Variants in ERMP1 observed in about 807,000 individuals in gnomAD.
The protein encoded by ERMP1 is endoplasmic reticulum metallopeptidase 1.
ERMP1 carries 86 observed loss-of-function variants against 92.0 expected under a neutral mutation model. The ratio of observed to expected loss-of-function variants is 0.93; its 90% CI spans 0.79 to 1.12. ERMP1 has a LOEUF of 1.12. Ranked by LOEUF, ERMP1 falls within the 50% of genes most tolerant of loss-of-function variation. ERMP1 has a pLI of 0.00. For missense variants in ERMP1, 1,342 were observed against 1,116.3 expected, an observed-to-expected ratio of 1.20 and a Z score of -2.88; for synonymous variants, 530 against 412.8, an observed-to-expected ratio of 1.28 and a Z score of -3.44.
intron 8 of ERMP1, among the ~76,000 whole-genome samples, chr9:5,809,608 C>G (rs1319898420): frequency 1.3e-5 from 2 of 152,172 alleles, no homozygotes; most frequent in Non-Finnish European, 2.9e-5. Context: ...CAGACACTAC[C>G]TAAGCACAGA....
At chr9:5,792,778 A>C (rs1828252971) in intron 13 of ERMP1, among the ~76,000 whole-genome samples, 1 of 152,206 alleles carries the variant, frequency 6.6e-6, no homozygotes, top group South Asian at 2.1e-4. Flanking sequence ...TGTTAACTGA[A>C]GACAGACATA....
intron 6 of ERMP1, chr9:5,856,021 T>C: frequency 2.9e-6 from 1 of 341,500 alleles, no homozygotes; most frequent in South Asian, 3.0e-5. Context: ...GTACACCAGG[T>C]GGATTGAAGC....
At chr9:5,864,491 C>T (rs1303176903) in intron 5 of ERMP1, among the ~76,000 whole-genome samples, 1 of 152,174 alleles carries the variant, frequency 6.6e-6, no homozygotes, top group Non-Finnish European at 1.5e-5. Context: ...TTGAGCTATC[C>T]TTCCCAGGCT....
In ERMP1 at chr9:5,797,799, AAC is replaced by A. The variant is rs776685909; in HGVS notation, c.2386+16_2386+17del. On this transcript the variant is annotated intron_variant, in intron 13 of 14. Coordinates refer to ENST00000339450, the MANE Select transcript of ERMP1 (RefSeq NM_024896.3). Reference sequence around the variant, plus strand: ...TTAAGAAATAAAGGAGGGGAGAAAAAACTATTATATGACTTACCTGTTGCTTC... The same window carrying A: ...TTAAGAAATAAAGGAGGGGAGAAAAATATTATATGACTTACCTGTTGCTTC... The A allele has an allele frequency of 6.8e-7, 1 of 1,469,088 alleles. No homozygotes were observed. The highest frequency in any genetic ancestry group is 2.0e-5 in the Admixed American group (1 of 50,326). 91.0% of individuals were successfully genotyped at this position (1,469,088 alleles called of 1,614,324 possible). A position where few individuals can be genotyped will look rare whatever the true frequency, so the allele number is the denominator to read the frequency against.
chr9:5,805,279 A>T, intron 9 of ERMP1, 62 bp from the exon 10 acceptor site: 2 of 1,310,406 alleles, frequency 1.5e-6, no homozygotes, highest in South Asian at 1.4e-5. Flanking sequence ...ATAAATTTTT[A>T]TAGTACTGGT....
At chr9:5,799,822 C>G (rs1165582853) in intron 11 of ERMP1, among the ~76,000 whole-genome samples, 2 of 152,146 alleles carry the variant, frequency 1.3e-5, no homozygotes, top group African/African-American at 4.8e-5. Context: ...TCCTGCTTTT[C>G]CTAAGTATTA....
chr9:5,847,880 G>A lies in ERMP1; in HGVS notation n.3199+11588C>T, dbSNP rs533048336. On this transcript the variant is annotated intron_variant and non_coding_transcript_variant, in intron 6 of 6. Transcript: ENST00000690753. The stretch of plus-strand genomic sequence containing the variant: ...GCTGTACTCCAGCCCGGGCGACAGA[G>A]CGAGACTCCGTCTAAAAAAATAAAA... Among the ~76,000 whole-genome samples the A allele has an allele frequency of 1.2e-3, 186 of 150,354 alleles. 1 individual carries two copies. Among genetic ancestry groups the A allele is most frequent in the African/African-American group, 4.3e-3 (177 of 40,772 alleles).
At position 5,805,636 on chromosome 9, in the gene ERMP1, A is replaced by C. The variant is rs1397698309; in HGVS notation, c.1698T>G (p.Cys566Trp). 1 of 1,605,772 alleles carries C rather than the reference A, an allele frequency of 6.2e-7. No individual in the cohort carries two copies. The highest frequency in any genetic ancestry group is 1.7e-5 in the Admixed American group (1 of 57,988). The change falls in exon 9 of 15, where the codon TGT becomes TGG. Residue 566 changes from cysteine to tryptophan, a missense_variant. Transcript: ENST00000339450. ...WVAFPLLTKL[C>W]VHKDFKQHGA... ...CATGCTGCTTGAAGTCCTTATGCAC[A>C]CAGAGCTTTGTGAGCAATGGGAATG...
At chr9:5,857,883 G>C (rs1428680493) in intron 6 of ERMP1, among the ~76,000 whole-genome samples, 1 of 152,190 alleles carries the variant, frequency 6.6e-6, no homozygotes, top group African/African-American at 2.4e-5. Context: ...AAAAATATTA[G>C]AAGATGTCGA....
chr9:5,819,998 T>C (rs79233547), intron 4 of ERMP1, among the ~76,000 whole-genome samples: 1,594 of 152,212 alleles, frequency 0.01, 31 homozygotes, highest in African/African-American at 0.035. Context: ...AAAAAAGAAT[T>C]CATTCTAAAG....
At chr9:5,799,080 T>A in intron 11 of ERMP1, 72 bp from the exon 12 acceptor site, 3 of 1,063,154 alleles carry the variant, frequency 2.8e-6, no homozygotes, top group Middle Eastern at 2.8e-4. Context: ...ATTACAAAAA[T>A]GGAGTATGAC....
Position 5,858,760 on chromosome 9 carries a change from A to G in ERMP1, n.3199+708T>C, listed in dbSNP as rs141009000. 1.7e-3 allele frequency among the ~76,000 whole-genome samples: 253 copies of G among 152,332 alleles called. 1 individual carries two copies. Among genetic ancestry groups the G allele is most frequent in the Non-Finnish European group, 2.4e-3 (165 of 68,038 alleles). ...GGTTCTGAGGTCAGAGAAATGTTCA[A>G]CAACAATGCACACACTCTCCCAGTT... On this transcript the variant is annotated intron_variant and non_coding_transcript_variant, in intron 6 of 6. Coordinates refer to the ERMP1 transcript ENST00000690753.
At chr9:5,827,028 T>C (rs150026202) in intron 2 of ERMP1, among the ~76,000 whole-genome samples, 2 of 152,236 alleles carry the variant, frequency 1.3e-5, no homozygotes, top group African/African-American at 4.8e-5. Flanking sequence ...AGAATTAACC[T>C]TGAAATTGAA....
At chr9:5,844,771 G>T (rs1194695774) in intron 6 of ERMP1, among the ~76,000 whole-genome samples, 1 of 152,104 alleles carries the variant, frequency 6.6e-6, no homozygotes, top group East Asian at 1.9e-4. Flanking sequence ...TATCAGCCTT[G>T]CAGGAAACCA....
intron 2 of ERMP1, among the ~76,000 whole-genome samples, chr9:5,829,224 A>T (rs1410674827): frequency 6.6e-6 from 1 of 151,660 alleles, no homozygotes; most frequent in Non-Finnish European, 1.5e-5. Context: ...CCAGCCAAAA[A>T]AAAAAAAAAA....
chr9:5,860,236 T>C (rs1830445406), intron 5 of ERMP1, among the ~76,000 whole-genome samples: 1 of 148,640 alleles, frequency 6.7e-6, no homozygotes, highest in South Asian at 2.1e-4. Context: ...GCCCAGGAAA[T>C]AGAGGTTGCA....
intron 6 of ERMP1, among the ~76,000 whole-genome samples, chr9:5,838,947 C>G (rs1648862826): frequency 6.6e-6 from 1 of 152,206 alleles, no homozygotes; most frequent in Admixed American, 6.5e-5. Context: ...TCCACCATTT[C>G]TGCCATGAGT....
chr9:5,832,584 T>A, intron 1 of ERMP1, 106 bp downstream of exon 1: 2 of 904,532 alleles, frequency 2.2e-6, no homozygotes, highest in Non-Finnish European at 3.1e-6. Context: ...GGTCAGCGAG[T>A]CCCAGCGGTC....
At chr9:5,817,429 A>G (rs1019164728) in intron 4 of ERMP1, among the ~76,000 whole-genome samples, 1 of 152,116 alleles carries the variant, frequency 6.6e-6, no homozygotes, top group African/African-American at 2.4e-5. Flanking sequence ...ACCTCAGGTG[A>G]TCCGCCCGCC....
Sources: allele counts gnomAD v4.1 joint callset (sites outside exome capture counted in the v4.1 genomes callset), GRCh38; gene constraint gnomAD v4.1.1; transcripts MANE v1.5; gene names NCBI Gene and HGNC (gene_info 2026-07-23, HGNC 2026-07-21).